MYO5B: variants seen among roughly 807,000 people sequenced by gnomAD.
The protein encoded by MYO5B is unconventional myosin-Vb.
In MYO5B, 143 loss-of-function variants were observed where a neutral mutation model predicts 229.3. That is an observed-to-expected ratio of 0.62 (90% CI 0.54 to 0.72). The LOEUF is 0.72. MYO5B is among the 30% of genes least tolerant of loss of function. The pLI is 0.00. For synonymous variants in MYO5B, 918 were observed against 885.2 expected, an observed-to-expected ratio of 1.04 and a Z score of -0.66; for missense variants, 2,321 against 2,331.0, an observed-to-expected ratio of 1.00 and a Z score of 0.09.
intron 10 of MYO5B, among the ~76,000 whole-genome samples, chr18:49,969,354 CCAAA>C (rs918174243): frequency 7.2e-5 from 11 of 152,238 alleles, no homozygotes; most frequent in Admixed American, 6.5e-4. Flanking sequence ...TTTTTCCCCA[CCAAA>C]CAAAGGTGAA....
chr18:50,179,975 C>T (rs1368895950), intron 1 of MYO5B, among the ~76,000 whole-genome samples: 1 of 152,158 alleles, frequency 6.6e-6, no homozygotes, highest in Non-Finnish European at 1.5e-5. Flanking sequence ...CAGGAAGGTC[C>T]ATAACCATAA....
intron 1 of MYO5B, among the ~76,000 whole-genome samples, chr18:50,106,178 C>T (rs1362500359): frequency 3.3e-5 from 5 of 152,108 alleles, no homozygotes; most frequent in South Asian, 4.1e-4. Flanking sequence ...GCAGATCTCC[C>T]GATTCTCTCC....
chr18:49,858,428 C>A lies in MYO5B; in HGVS notation c.3945-1538G>T, dbSNP rs146482255. On this transcript the variant is annotated intron_variant, in intron 29 of 39. Coordinates refer to ENST00000285039, the MANE Select transcript of MYO5B (RefSeq NM_001080467.3). ...GTGCAGGGATCCTGGGCTCCACCCACCTCCTTTCCCACACCAGAGAGACAC... is the reference window on the plus strand; with the variant it reads ...GTGCAGGGATCCTGGGCTCCACCCAACTCCTTTCCCACACCAGAGAGACAC... Among the ~76,000 whole-genome samples, 35 of 152,346 alleles carry A rather than the reference C, an allele frequency of 2.3e-4. 1 individual carries two copies. The East Asian group carries it at 6.8e-3, about 29-fold the overall frequency.
Position 50,078,134 on chromosome 18 carries a change from T to A in MYO5B, c.28-22756A>T, listed in dbSNP as rs190493443. ...ATCTAGCTTGAGATCACATAAAGCC[T>A]ATAGCAGAGTTCCCAAACTCAAAGA... On this transcript the variant is annotated intron_variant, in intron 1 of 39. Transcript: ENST00000285039. Among the ~76,000 whole-genome samples the A allele has an allele frequency of 4.6e-5, 7 of 152,312 alleles. No individual in the cohort carries two copies. The East Asian group carries it at 1.4e-3, about 29-fold the overall frequency.
At chr18:49,838,612 C>G (rs1028922078) in intron 36 of MYO5B, among the ~76,000 whole-genome samples, 5 of 151,874 alleles carry the variant, frequency 3.3e-5, no homozygotes, top group Non-Finnish European at 7.4e-5. Flanking sequence ...TTGCAGAGCA[C>G]AGTGAGTAAT....
intron 1 of MYO5B, among the ~76,000 whole-genome samples, chr18:50,102,787 A>C (rs1362888910): frequency 1.3e-5 from 2 of 151,866 alleles, no homozygotes; most frequent in African/African-American, 4.8e-5. Flanking sequence ...AGCCTGTCCC[A>C]AAACCCCCCA....
chr18:49,880,916 C>CT, intron 22 of MYO5B, among the ~76,000 whole-genome samples: 1 of 152,326 alleles, frequency 6.6e-6, no homozygotes, highest in South Asian at 2.1e-4. Context: ...CACCATGCTC[C>CT]TTAAGGTTAT....
Position 49,953,215 on chromosome 18 carries a change from G to A in MYO5B, c.1752+45C>T, listed in dbSNP as rs752058791. 4.5e-6 allele frequency: 7 copies of A among 1,565,418 alleles called. No individual in the cohort carries two copies. The Admixed American group carries it at 1.2e-4, about 26-fold the overall frequency. ...CATCACCACTCCCTGTCCAGCACTG[G>A]CCGTGGGCATTCCTGCTCCACTCCC... On this transcript the variant is annotated intron_variant, in intron 14 of 39. Transcript: ENST00000285039.
intron 14 of MYO5B, among the ~76,000 whole-genome samples, chr18:49,947,240 G>C (rs964090406): frequency 1.3e-5 from 2 of 151,820 alleles, no homozygotes; most frequent in African/African-American, 4.8e-5. Context: ...CGAGTAGCTG[G>C]GACTACAGGC....
At position 49,929,381 on chromosome 18, in the gene MYO5B, G is replaced by C. The variant is rs1000565647; in HGVS notation, c.2090+131C>G. On this transcript the variant is annotated intron_variant, in intron 17 of 39. Transcript: ENST00000285039. The stretch of plus-strand genomic sequence containing the variant: ...TCTCATTTCCATCAGCATCCTGCTT[G>C]GGCCTCAATGTTTGGGAACCGTTTT... 3 of 708,726 alleles carry C rather than the reference G, an allele frequency of 4.2e-6. No individual in the cohort carries two copies. In the African/African-American group the frequency reaches 5.4e-5, roughly 13 times the overall value. The allele number at this position is 708,726 out of a possible 1,614,324, so 43.9% of individuals were successfully genotyped here.
At chr18:50,135,137 G>T (rs1024921287) in intron 1 of MYO5B, among the ~76,000 whole-genome samples, 1 of 152,128 alleles carries the variant, frequency 6.6e-6, no homozygotes, top group African/African-American at 2.4e-5. Context: ...ACAAAATTCT[G>T]CCCTCAAGTG....
At chr18:50,170,702 G>C (rs4356569) in intron 1 of MYO5B, among the ~76,000 whole-genome samples, 75,867 of 125,200 alleles carry the variant, frequency 0.61, 31,828 homozygotes, top group Middle Eastern at 0.75. Context: ...GGCATAAATG[G>C]AACAAGAATT....
intron 21 of MYO5B, among the ~76,000 whole-genome samples, chr18:49,900,070 C>T (rs182208178): frequency 7.2e-5 from 11 of 152,334 alleles, no homozygotes; most frequent in South Asian, 2.1e-4. Flanking sequence ...GGCTGGAAAG[C>T]AAGGCCTGGG....
intron 27 of MYO5B, among the ~76,000 whole-genome samples, chr18:49,866,380 A>G (rs1379013575): frequency 6.6e-6 from 1 of 151,854 alleles, no homozygotes; most frequent in Non-Finnish European, 1.5e-5. Context: ...CATCTTACCT[A>G]TTTTTACGTG....
At position 49,847,141 on chromosome 18, in the gene MYO5B, C is replaced by T. The variant is rs1330759935; in HGVS notation, c.4459+5G>A. The T allele has an allele frequency of 5.0e-6, 8 of 1,613,950 alleles. No individual in the cohort carries two copies. The highest frequency in any genetic ancestry group is 6.8e-6 in the Non-Finnish European group (8 of 1,180,016). On this transcript the variant is annotated splice_donor_5th_base_variant and intron_variant, in intron 33 of 39. Transcript: ENST00000285039. The stretch of plus-strand genomic sequence containing the variant: ...GCAGCATAGGGTGGCACAGAGGGTC[C>T]TTACCTGTCACCAGGTTCCGGATGA...
chr18:50,178,025 G>A (rs2033021252), intron 1 of MYO5B, among the ~76,000 whole-genome samples: 1 of 152,170 alleles, frequency 6.6e-6, no homozygotes. Context: ...TTAATAGCAA[G>A]GACTATGTCT....
chr18:50,052,522 G>A (rs1179314471), intron 2 of MYO5B, among the ~76,000 whole-genome samples: 5 of 140,420 alleles, frequency 3.6e-5, no homozygotes, highest in South Asian at 4.9e-4. Flanking sequence ...ACATGGACAC[G>A]GGAAGGGGAA....
At position 49,979,338 on chromosome 18, in the gene MYO5B, G is replaced by C. The variant is rs531425717; in HGVS notation, c.1056+1106C>G. ...AGGGGAGCTTCAAGGCTCTCACGAG[G>C]CTGCAGAGTCCATGCCAGGGATGGC... On this transcript the variant is annotated intron_variant, in intron 9 of 39. Transcript: ENST00000285039. Among the ~76,000 whole-genome samples, 195 of 152,330 alleles carry C rather than the reference G, an allele frequency of 1.3e-3. 1 individual carries two copies. Among genetic ancestry groups the C allele is most frequent in the Admixed American group, 1.8e-3 (28 of 15,306 alleles).
intron 1 of MYO5B, among the ~76,000 whole-genome samples, chr18:50,184,814 G>A (rs925508071): frequency 2.6e-5 from 4 of 151,986 alleles, no homozygotes; most frequent in Non-Finnish European, 5.9e-5. Context: ...TGAGGTGGGA[G>A]GATCACTTGA....
Sources: gnomAD v4.1 joint callset for allele counts (sites outside exome capture counted in the v4.1 genomes callset) on GRCh38, gnomAD v4.1.1 for gene constraint, MANE v1.5 for transcripts, NCBI Gene and HGNC (gene_info 2026-07-23, HGNC 2026-07-21) for gene names.